SPECC1L: variants seen among roughly 807,000 people sequenced by gnomAD.
SPECC1L encodes the protein cytospin-A.
Under a neutral mutation model 116.8 loss-of-function variants are expected in SPECC1L, and 40 were observed. The ratio of observed to expected loss-of-function variants is 0.34; its 90% CI spans 0.27 to 0.45. SPECC1L has a LOEUF of 0.45. SPECC1L is among the 20% of genes least tolerant of loss of function. The pLI, the probability that SPECC1L is intolerant of heterozygous loss-of-function variation, is 1.00. For missense variants in SPECC1L, 1,110 were observed against 1,373.6 expected (o/e 0.81, Z 3.03); for synonymous variants, 504 against 500.6 (o/e 1.01, Z -0.09).
In SPECC1L at chr22:24,287,692, C is replaced by T. The variant is rs183038299; in HGVS notation, c.-38+10889C>T. 7.9e-3 allele frequency among the ~76,000 whole-genome samples: 1,201 copies of T among 152,270 alleles called. 8 individuals are homozygous for T. The highest frequency in any genetic ancestry group is 0.024 in the South Asian group (115 of 4,822). ...GTTGGAGGTGCCCCTATTCAGACTC[C>T]TGCTCTACCATTTGCTTCGGGATCA... On this transcript the variant is annotated intron_variant, in intron 2 of 16. Transcript: ENST00000314328.
rs1196357615 is a variant in SPECC1L, at chr22:24,338,274, T to G, written c.2561-112T>G. On this transcript the variant is annotated intron_variant, in intron 9 of 16. Transcript: ENST00000314328. ...AGAGGCTAGACATCAGCCAAGACAG[T>G]GTCCAGCGGGGTTTGAGAGCATTGG... 9.0e-6 allele frequency: 9 copies of G among 1,004,584 alleles called. 1 individual carries two copies. Among genetic ancestry groups the G allele is most frequent in the South Asian group, 1.3e-5 (1 of 78,330 alleles). 62.2% of individuals were successfully genotyped at this position (1,004,584 alleles called of 1,614,324 possible). A position where few individuals can be genotyped will look rare whatever the true frequency, so the allele number is the denominator to read the frequency against.
chr22:24,367,183 ACT>A (rs1325419745), intron 13 of SPECC1L, among the ~76,000 whole-genome samples: 1 of 151,978 alleles, frequency 6.6e-6, no homozygotes, highest in Non-Finnish European at 1.5e-5. Flanking sequence ...TCAGAGTGAG[ACT>A]CTGTCTTTAA....
intron 2 of SPECC1L, among the ~76,000 whole-genome samples, chr22:24,286,396 G>A (rs1354843822): frequency 6.6e-6 from 1 of 152,176 alleles, no homozygotes; most frequent in Non-Finnish European, 1.5e-5. Flanking sequence ...ATTCTCGCAT[G>A]TAATTACACT....
At chr22:24,384,656 A>C (rs1404522243) in intron 14 of SPECC1L, among the ~76,000 whole-genome samples, 1 of 152,228 alleles carries the variant, frequency 6.6e-6, no homozygotes, top group Non-Finnish European at 1.5e-5. Context: ...CTCTAGGGCT[A>C]CACTCTGCTA....
chr22:24,287,268 T>C (rs1047100846), intron 2 of SPECC1L, among the ~76,000 whole-genome samples: 5 of 152,172 alleles, frequency 3.3e-5, no homozygotes, highest in Admixed American at 1.3e-4. Context: ...AGCCTGGATT[T>C]GAAGAAGCAG....
intron 14 of SPECC1L, among the ~76,000 whole-genome samples, chr22:24,373,117 A>G (rs2041903199): frequency 6.6e-6 from 1 of 152,224 alleles, no homozygotes; most frequent in African/African-American, 2.4e-5. Flanking sequence ...TGCTCAATGA[A>G]ATAAAAGAGG....
intron 14 of SPECC1L, among the ~76,000 whole-genome samples, chr22:24,390,867 C>CTTTTTTTTTTTTTTTTTTT (rs1556306072): frequency 1.7e-4 from 8 of 47,620 alleles, no homozygotes; most frequent in African/African-American, 4.9e-4. Context: ...TTTTTTTTTT[C>CTTTTTTTTTTTTTTTTTTT]TTTTCTTTTT....
At chr22:24,292,941 G>A (rs957148630) in intron 2 of SPECC1L, among the ~76,000 whole-genome samples, 3 of 152,168 alleles carry the variant, frequency 2.0e-5, no homozygotes, top group Non-Finnish European at 4.4e-5. Flanking sequence ...ACAGATAAAG[G>A]TTTAGATTTT....
chr22:24,308,858 A>C (rs2049556167), intron 3 of SPECC1L, among the ~76,000 whole-genome samples: 1 of 152,170 alleles, frequency 6.6e-6, no homozygotes, highest in Non-Finnish European at 1.5e-5. Flanking sequence ...GTAAATTCAT[A>C]GATTCTTAGT....
At chr22:24,314,593 T>C (rs1358819520) in intron 4 of SPECC1L, among the ~76,000 whole-genome samples, 2 of 152,262 alleles carry the variant, frequency 1.3e-5, no homozygotes, top group Non-Finnish European at 2.9e-5. Context: ...TCCTGATTCT[T>C]GCAGTTTAAT....
intron 8 of SPECC1L, among the ~76,000 whole-genome samples, chr22:24,332,396 A>G (rs1417559120): frequency 1.3e-5 from 2 of 152,230 alleles, no homozygotes; most frequent in Non-Finnish European, 2.9e-5. Flanking sequence ...ATGTTAAACA[A>G]GATTGACCAG....
Position 24,313,338 on chromosome 22 carries a change from C to T in SPECC1L, c.179C>T (p.Ala60Val), listed in dbSNP as rs2040497216. ...SKTKSSDDLL[A>V]GMAGGVTVTN... ...ACCAAGAGCAGTGATGACCTTTTAGCTGGAATGGCCGGAGGGGTAACGGTG... is the reference window on the plus strand; with the variant it reads ...ACCAAGAGCAGTGATGACCTTTTAGTTGGAATGGCCGGAGGGGTAACGGTG... Residue 60 changes from alanine (A) to valine (V), a missense_variant, in exon 4 of 17, where the codon GCT (alanine) becomes GTT (valine). Around this residue, in one of 4 missense-constraint regions of SPECC1L, gnomAD observed 437 missense variants for 482.6 expected, o/e 0.91. Transcript: ENST00000314328. The T allele has an allele frequency of 6.2e-7, 1 of 1,614,048 alleles. No individual in the cohort carries two copies.
intron 3 of SPECC1L, among the ~76,000 whole-genome samples, chr22:24,307,302 A>G (rs77334309): frequency 0.042 from 6,379 of 152,206 alleles, 450 homozygotes; most frequent in African/African-American, 0.15. Flanking sequence ...CCTCTGCAAT[A>G]GTTGTTATTT....
At chr22:24,403,482 G>A (rs1454815944) in intron 14 of SPECC1L, among the ~76,000 whole-genome samples, 4 of 152,142 alleles carry the variant, frequency 2.6e-5, no homozygotes, top group Non-Finnish European at 4.4e-5. Flanking sequence ...CCGTTAATGT[G>A]CATTTTCCCC....
At chr22:24,290,755 C>A (rs1490933659) in intron 2 of SPECC1L, among the ~76,000 whole-genome samples, 1 of 152,182 alleles carries the variant, frequency 6.6e-6, no homozygotes, top group Non-Finnish European at 1.5e-5. Context: ...CACTCCAAGT[C>A]TTTAAAATGT....
chr22:24,385,076 A>AG (rs1302552282), intron 14 of SPECC1L, among the ~76,000 whole-genome samples: 1 of 151,534 alleles, frequency 6.6e-6, no homozygotes, highest in Non-Finnish European at 1.5e-5. Flanking sequence ...AAAAAAAAAA[A>AG]GAAAAAAGAA....
chr22:24,343,607 C>T (rs916344394), intron 10 of SPECC1L: 23 of 307,176 alleles, frequency 7.5e-5, no homozygotes, highest in Admixed American at 5.4e-4. Context: ...ACTACAGGTG[C>T]GTACCATGGT....
At chr22:24,354,295 C>T (rs1318448640) in intron 11 of SPECC1L, among the ~76,000 whole-genome samples, 1 of 152,322 alleles carries the variant, frequency 6.6e-6, no homozygotes, top group East Asian at 1.9e-4. Flanking sequence ...TCACTGATTT[C>T]AGCATTTATT....
intron 2 of SPECC1L, among the ~76,000 whole-genome samples, chr22:24,292,719 T>C (rs2049177345): frequency 6.6e-6 from 1 of 152,102 alleles, no homozygotes; most frequent in African/African-American, 2.4e-5. Flanking sequence ...ATTATGTGAA[T>C]TATCTGACAT....
Sources: allele counts gnomAD v4.1 joint callset (sites outside exome capture counted in the v4.1 genomes callset), GRCh38; gene constraint gnomAD v4.1.1; regional missense constraint gnomAD v4.1.1; transcripts MANE v1.5; gene names NCBI Gene and HGNC (gene_info 2026-07-23, HGNC 2026-07-21).